The following ELAPOR1 variants were observed in gnomAD, a reference collection of about 807,000 sequenced individuals.
ELAPOR1 encodes endosome-lysosome associated apoptosis and autophagy regulator 1, also known as endosome/lysosome-associated apoptosis and autophagy regulator 1.
In ELAPOR1, 77 loss-of-function variants were observed where a neutral mutation model predicts 119.7. That is an observed-to-expected ratio of 0.64 (90% CI 0.54 to 0.78). ELAPOR1 has a LOEUF of 0.78. ELAPOR1 is among the 30% of genes least tolerant of loss of function. The probability of loss-of-function intolerance (pLI) is 0.00; values close to 1 mark genes in which losing one functional copy is unlikely to be tolerated. For missense variants in ELAPOR1, 1,115 were observed against 1,270.4 expected (o/e 0.88, Z 1.86); for synonymous variants, 481 against 487.2 (o/e 0.99, Z 0.17).
At position 109,200,757 on chromosome 1, in the gene ELAPOR1, C is replaced by T. The variant is rs1156580938; in HGVS notation, c.2830C>T (p.Leu944=). The T allele has an allele frequency of 1.2e-6, 2 of 1,614,038 alleles. No individual in the cohort carries two copies. Among genetic ancestry groups the T allele is most frequent in the South Asian group, 2.2e-5 (2 of 91,068 alleles). Residue 944 remains leucine, a synonymous_variant, in exon 21 of 22, where the codon CTG becomes TTG. Coordinates refer to ENST00000369939, the MANE Select transcript of ELAPOR1 (RefSeq NM_020775.5). ...TAGACTAGAGTACAAGTACTCCAAG[C>T]TGGTGATGAATGCTACTCTCAAGGA... ...NQKLEYKYSK[L]VMNATLKDCD...
chr1:109,139,916 T>G (rs1158962537), intron 1 of ELAPOR1, among the ~76,000 whole-genome samples: 2 of 151,936 alleles, frequency 1.3e-5, no homozygotes, highest in Admixed American at 1.3e-4. Context: ...GGACCACAGG[T>G]GTGTGCCACC....
intron 1 of ELAPOR1, among the ~76,000 whole-genome samples, chr1:109,136,157 C>T (rs939174923): frequency 6.6e-6 from 1 of 152,132 alleles, no homozygotes; most frequent in African/African-American, 2.4e-5. Context: ...TTAGAGTACC[C>T]GCTGTGTGCC....
chr1:109,181,749 C>T (rs996201507), intron 7 of ELAPOR1, among the ~76,000 whole-genome samples: 2 of 152,106 alleles, frequency 1.3e-5, no homozygotes, highest in African/African-American at 2.4e-5. Flanking sequence ...AATTGGGCCT[C>T]CTGCTTGGTA....
At chr1:109,127,611 G>C (rs1648873274) in intron 1 of ELAPOR1, among the ~76,000 whole-genome samples, 1 of 152,010 alleles carries the variant, frequency 6.6e-6, no homozygotes, top group African/African-American at 2.4e-5. Flanking sequence ...TCTTCACCCA[G>C]GCTGGAGTGC....
At chr1:109,117,490 G>A (rs1043009118) in intron 1 of ELAPOR1, among the ~76,000 whole-genome samples, 1 of 152,168 alleles carries the variant, frequency 6.6e-6, no homozygotes, top group Non-Finnish European at 1.5e-5. Flanking sequence ...CCATGGGTTA[G>A]GAATCTAGCA....
chr1:109,121,935 G>A (rs1412998566), intron 1 of ELAPOR1, among the ~76,000 whole-genome samples: 1 of 151,390 alleles, frequency 6.6e-6, no homozygotes, highest in Non-Finnish European at 1.5e-5. Flanking sequence ...CACCACGCCC[G>A]GCTCATTTTT....
chr1:109,198,582 T>C lies in ELAPOR1; in HGVS notation c.2409T>C (p.Asp803=). The change falls in exon 18 of 22, where the codon GAT becomes GAC. Residue 803 remains aspartate, a synonymous_variant. Transcript: ENST00000369939. ...CTGGCTTTCTCTGCAGGTCCAATGATGTGACCCAGTCCTGCAGTTCTGGGA... is the reference window on the plus strand; with the variant it reads ...CTGGCTTTCTCTGCAGGTCCAATGACGTGACCCAGTCCTGCAGTTCTGGGA... The part of the protein sequence containing the change: ...PDVIFFYRSN[D]VTQSCSSGRS... 1 of 1,613,520 alleles carries C rather than the reference T, an allele frequency of 6.2e-7. No homozygotes were observed. The highest frequency in any genetic ancestry group is 1.1e-5 in the South Asian group (1 of 90,800).
At chr1:109,118,143 G>A (rs1168340600) in intron 1 of ELAPOR1, among the ~76,000 whole-genome samples, 2 of 151,676 alleles carry the variant, frequency 1.3e-5, no homozygotes, top group Admixed American at 6.6e-5. Flanking sequence ...AAAAAAGAAA[G>A]AAAGAAAGAA....
At chr1:109,135,942 C>T (rs1184391990) in intron 1 of ELAPOR1, among the ~76,000 whole-genome samples, 1 of 152,112 alleles carries the variant, frequency 6.6e-6, no homozygotes, top group Non-Finnish European at 1.5e-5. Flanking sequence ...GAGGGATGCC[C>T]AATAAACATT....
At position 109,192,677 on chromosome 1, in the gene ELAPOR1, G is replaced by C. The variant is rs749461541; in HGVS notation, c.1750G>C (p.Val584Leu). 1 of 1,614,060 alleles carries C rather than the reference G, an allele frequency of 6.2e-7. No individual in the cohort carries two copies. Among genetic ancestry groups the C allele is most frequent in the Admixed American group, 1.7e-5 (1 of 59,994 alleles). The change falls in exon 14 of 22, where the codon GTG (valine) becomes CTG (leucine). Residue 584 changes from valine (V) to leucine (L), a missense_variant. Transcript: ENST00000369939. Reference protein sequence around the residue: ...SINVTNVMNGVASYCRPCALE... With the variant: ...SINVTNVMNGLASYCRPCALE... Reference sequence around the variant, plus strand: ...CAATGTCACCAATGTTATGAATGGTGTGGCCTCCTACTGCCGTCCCTGTGC... The same window carrying C: ...CAATGTCACCAATGTTATGAATGGTCTGGCCTCCTACTGCCGTCCCTGTGC...
intron 1 of ELAPOR1, among the ~76,000 whole-genome samples, chr1:109,152,753 G>A (rs1265106935): frequency 6.6e-6 from 1 of 151,910 alleles, no homozygotes; most frequent in Non-Finnish European, 1.5e-5. Context: ...AGACCAGCCT[G>A]GGCAACATGG....
intron 20 of ELAPOR1, 103 bp downstream of exon 20, chr1:109,200,340 C>A: frequency 7.3e-7 from 1 of 1,370,824 alleles, no homozygotes. Flanking sequence ...CTGGAGTTGG[C>A]TACAGACTCT....
At chr1:109,142,880 G>A (rs544713407) in intron 1 of ELAPOR1, among the ~76,000 whole-genome samples, 12 of 151,592 alleles carry the variant, frequency 7.9e-5, no homozygotes, top group South Asian at 2.1e-4. Flanking sequence ...CATAATAGCC[G>A]AAAAAGTAGA....
At chr1:109,181,337 C>T (rs1207118648) in intron 7 of ELAPOR1, among the ~76,000 whole-genome samples, 3 of 152,106 alleles carry the variant, frequency 2.0e-5, no homozygotes, top group Non-Finnish European at 4.4e-5. Context: ...TACAGTTTTG[C>T]CCAGGGCCAA....
intron 1 of ELAPOR1, among the ~76,000 whole-genome samples, chr1:109,114,683 A>C (rs1647872264): frequency 6.6e-6 from 1 of 152,200 alleles, no homozygotes; most frequent in African/African-American, 2.4e-5. Flanking sequence ...TGACAAGAAA[A>C]GATTATGCAC....
chr1:109,140,126 TG>T (rs1234896257), intron 1 of ELAPOR1, among the ~76,000 whole-genome samples: 1 of 152,224 alleles, frequency 6.6e-6, no homozygotes, highest in African/African-American at 2.4e-5. Flanking sequence ...TTTTAACAAC[TG>T]TATTAACCAA....
Position 109,188,167 on chromosome 1 carries a change from A to G in ELAPOR1, c.1042-10A>G, listed in dbSNP as rs558584469. ...ACACAGGCTGAGTTGTGCTTAATCC[A>G]TTTCTGCAGACACAACTCATGTACA... On this transcript the variant is annotated splice_polypyrimidine_tract_variant and intron_variant, in intron 8 of 21. Coordinates refer to ENST00000369939, the MANE Select transcript of ELAPOR1 (RefSeq NM_020775.5). 3.1e-6 allele frequency: 5 copies of G among 1,595,708 alleles called. No homozygotes were observed. The East Asian group carries it at 9.0e-5, about 29-fold the overall frequency.
chr1:109,199,715 G>C (rs984161263), intron 18 of ELAPOR1, 139 bp from the exon 19 acceptor site: 2 of 1,005,756 alleles, frequency 2.0e-6, no homozygotes, highest in African/African-American at 1.6e-5. Flanking sequence ...TTAAGGACTA[G>C]TTGGAAGGAT....
Position 109,200,755 on chromosome 1 carries a change from A to C in ELAPOR1, c.2828A>C (p.Lys943Thr), listed in dbSNP as rs1475882685. 6.2e-7 allele frequency: 1 copy of C among 1,614,060 alleles called. No homozygotes were observed. The highest frequency in any genetic ancestry group is 8.5e-7 in the Non-Finnish European group (1 of 1,179,980). ...KNQKLEYKYS[K>T]LVMNATLKDC... ...TATAGACTAGAGTACAAGTACTCCA[A>C]GCTGGTGATGAATGCTACTCTCAAG... The change falls in exon 21 of 22, where the codon AAG (lysine) becomes ACG (threonine). Residue 943 changes from lysine to threonine, a missense_variant. Transcript: ENST00000369939.
Sources: gnomAD v4.1 joint callset for allele counts (sites outside exome capture counted in the v4.1 genomes callset) on GRCh38, gnomAD v4.1.1 for gene constraint, MANE v1.5 for transcripts, NCBI Gene and HGNC (gene_info 2026-07-23, HGNC 2026-07-21) for gene names.